Variants in TRPM7 observed in about 807,000 individuals in gnomAD.
The protein encoded by TRPM7 is LTRPC ion channel family member 7.
In TRPM7, 134 loss-of-function variants were observed where a neutral mutation model predicts 229.7. That is an observed-to-expected ratio of 0.58 (90% CI 0.51 to 0.67). TRPM7 has a LOEUF of 0.67. Ranked by LOEUF, TRPM7 falls within the 30% of genes least tolerant of loss-of-function variation. TRPM7 has a pLI of 0.00. For synonymous variants in TRPM7, 699 were observed against 715.2 expected (o/e 0.98, Z 0.36); for missense variants, 1,901 against 2,210.0 (o/e 0.86, Z 2.80).
intron 3 of TRPM7, among the ~76,000 whole-genome samples, chr15:50,656,038 A>C (rs982227508): frequency 6.6e-6 from 1 of 152,052 alleles, no homozygotes; most frequent in African/African-American, 2.4e-5. Context: ...CTGCAATAAA[A>C]TAACACAACC....
intron 1 of TRPM7, among the ~76,000 whole-genome samples, chr15:50,671,457 T>C (rs1370653436): frequency 1.3e-5 from 2 of 152,156 alleles, no homozygotes; most frequent in Non-Finnish European, 2.9e-5. Context: ...CTGAGGTCAA[T>C]GATGGACCGC....
intron 38 of TRPM7, among the ~76,000 whole-genome samples, chr15:50,565,065 T>C (rs2053533160): frequency 6.6e-6 from 1 of 152,052 alleles, no homozygotes; most frequent in African/African-American, 2.4e-5. Flanking sequence ...CACTGCAACC[T>C]GTGCCTCTCG....
chr15:50,573,861 C>T (rs1484632003), intron 36 of TRPM7, among the ~76,000 whole-genome samples: 2 of 152,102 alleles, frequency 1.3e-5, no homozygotes, highest in Non-Finnish European at 2.9e-5. Context: ...AAGCTCAAGA[C>T]CAGCCTGGCC....
At chr15:50,604,576 GAAA>G (rs376885628) in intron 21 of TRPM7, 59 of 77,320 alleles carry the variant, frequency 7.6e-4, no homozygotes, top group East Asian at 2.4e-3. Flanking sequence ...GTCTCAAAAA[GAAA>G]AAAAAAAAAA....
chr15:50,590,643 G>A (rs1190218016), intron 26 of TRPM7, among the ~76,000 whole-genome samples: 6 of 152,118 alleles, frequency 3.9e-5, no homozygotes, highest in Admixed American at 3.3e-4. Context: ...TAACAAATAG[G>A]CTAAAATGCA....
intron 28 of TRPM7, 135 bp downstream of exon 28, chr15:50,586,257 T>A (rs1483990971): frequency 1.1e-5 from 6 of 525,382 alleles, no homozygotes; most frequent in African/African-American, 2.0e-5. Context: ...AAGGTTACAG[T>A]CACTATGGCA....
chr15:50,637,309 T>C, intron 7 of TRPM7, 113 bp downstream of exon 7: 1 of 964,790 alleles, frequency 1.0e-6, no homozygotes, highest in Non-Finnish European at 1.5e-6. Flanking sequence ...GTTTCATATG[T>C]TATCTTGCTA....
chr15:50,567,859 C>A (rs916355900), intron 38 of TRPM7, among the ~76,000 whole-genome samples: 2 of 151,926 alleles, frequency 1.3e-5, no homozygotes, highest in African/African-American at 4.8e-5. Flanking sequence ...GAGGCCGAGG[C>A]AGGCGGATCA....
At chr15:50,605,641 G>T (rs760225241) in intron 20 of TRPM7, among the ~76,000 whole-genome samples, 3 of 152,094 alleles carry the variant, frequency 2.0e-5, no homozygotes, top group African/African-American at 2.4e-5. Context: ...AAAATTCATG[G>T]TGTATCATAA....
At chr15:50,630,628 T>C (rs917910350) in intron 10 of TRPM7, among the ~76,000 whole-genome samples, 9 of 152,200 alleles carry the variant, frequency 5.9e-5, no homozygotes, top group African/African-American at 2.2e-4. Context: ...TTCTATCAAC[T>C]AATGCCTTAT....
chr15:50,660,259 A>C (rs1268654345), intron 2 of TRPM7, among the ~76,000 whole-genome samples: 4 of 152,204 alleles, frequency 2.6e-5, no homozygotes, highest in African/African-American at 9.6e-5. Flanking sequence ...CTAATCAAAA[A>C]CATTTACAGA....
intron 10 of TRPM7, among the ~76,000 whole-genome samples, chr15:50,630,510 G>T (rs1256730312): frequency 6.6e-6 from 1 of 150,748 alleles, no homozygotes; most frequent in African/African-American, 2.4e-5. Context: ...GAGACAATAA[G>T]AGGATCAGTG....
intron 3 of TRPM7, among the ~76,000 whole-genome samples, chr15:50,656,433 T>C (rs1177864109): frequency 6.6e-6 from 1 of 151,950 alleles, no homozygotes; most frequent in Non-Finnish European, 1.5e-5. Flanking sequence ...TGTTCCTGCT[T>C]CAGCCTCTTA....
chr15:50,574,761 A>T, intron 34 of TRPM7, 42 bp from the exon 35 acceptor site: 1 of 1,591,308 alleles, frequency 6.3e-7, no homozygotes, highest in Non-Finnish European at 8.6e-7. Flanking sequence ...TTAATATTTA[A>T]ACTAAGATTA....
In TRPM7 at chr15:50,639,503, C is replaced by G. The variant is rs150262564; in HGVS notation, c.581G>C (p.Arg194Thr). ...GATAGTGCAAATCTTTCGAGATGAT[C>G]TGGAAGCATGTTCTTTGAGGGCATC... Reference protein sequence around the residue: ...VGDALKEHASRSSRKICTIGI... With the variant: ...VGDALKEHASTSSRKICTIGI... The change falls in exon 6 of 39, where the codon AGA becomes ACA. Residue 194 changes from arginine (R) to threonine (T), a missense_variant. Transcript: ENST00000646667. 346 of 1,611,946 alleles carry G rather than the reference C, an allele frequency of 2.1e-4. 2 individuals carry two copies. The East Asian group carries it at 7.3e-3, about 34-fold the overall frequency.
At chr15:50,590,464 C>T (rs2059458714) in intron 26 of TRPM7, among the ~76,000 whole-genome samples, 1 of 152,172 alleles carries the variant, frequency 6.6e-6, no homozygotes, top group Non-Finnish European at 1.5e-5. Context: ...CATGTATAAT[C>T]TCCACATTAA....
At chr15:50,678,508 A>C (rs1416260469) in intron 1 of TRPM7, among the ~76,000 whole-genome samples, 1 of 19,638 alleles carries the variant, frequency 5.1e-5, no homozygotes, top group Non-Finnish European at 3.4e-4. Flanking sequence ...CCATTCTTTA[A>C]AAAAAAAAAA....
intron 38 of TRPM7, among the ~76,000 whole-genome samples, chr15:50,568,046 T>G (rs1399868841): frequency 3.1e-5 from 4 of 129,800 alleles, no homozygotes; most frequent in Non-Finnish European, 6.2e-5. Flanking sequence ...ACCACTGCAC[T>G]CTAGCCTGGG....
chr15:50,613,560 T>G, intron 15 of TRPM7, 147 bp downstream of exon 15: 2 of 470,952 alleles, frequency 4.2e-6, no homozygotes, highest in African/African-American at 2.1e-5. Context: ...AATATCTCTG[T>G]GTGTGAGAAA....
Sources: gnomAD v4.1 joint callset for allele counts (sites outside exome capture counted in the v4.1 genomes callset) on GRCh38, gnomAD v4.1.1 for gene constraint, MANE v1.5 for transcripts, NCBI Gene and HGNC (gene_info 2026-07-23, HGNC 2026-07-21) for gene names.